DAB1: variants seen among roughly 807,000 people sequenced by gnomAD.
DAB1 encodes the protein DAB adaptor protein 1, also known as disabled homolog 1.
A neutral mutation model predicts 64.6 loss-of-function variants in DAB1; 15 were observed. The observed-to-expected ratio is 0.23, with a 90% CI of 0.16 to 0.36. The LOEUF (loss-of-function observed/expected upper bound fraction) is 0.36. DAB1 is among the 10% of genes least tolerant of loss of function. The pLI is 1.00. For synonymous variants in DAB1, 235 were observed against 251.9 expected, an observed-to-expected ratio of 0.93 and a Z score of 0.64; for missense variants, 596 against 706.7, an observed-to-expected ratio of 0.84 and a Z score of 1.78.
chr1:57,310,944 G>A (rs780513090), intron 1 of DAB1, among the ~76,000 whole-genome samples: 2 of 152,000 alleles, frequency 1.3e-5, no homozygotes, highest in Non-Finnish European at 2.9e-5. Flanking sequence ...TGCGCTGAGT[G>A]ATGATAGTGC....
intron 3 of DAB1, among the ~76,000 whole-genome samples, chr1:58,490,940 G>C (rs982511653): frequency 4.0e-5 from 6 of 150,708 alleles, no homozygotes; most frequent in African/African-American, 1.5e-4. Context: ...CGAGTAGCTG[G>C]GACTACAGGC....
intron 4 of DAB1, among the ~76,000 whole-genome samples, chr1:58,150,876 T>C (rs1654890753): frequency 6.6e-6 from 1 of 152,080 alleles, no homozygotes; most frequent in South Asian, 2.1e-4. Flanking sequence ...TGGTGTGTGA[T>C]GTTCCCCTTC....
intron 5 of DAB1, among the ~76,000 whole-genome samples, chr1:58,011,431 T>C (rs1262024218): frequency 1.3e-5 from 2 of 152,210 alleles, no homozygotes; most frequent in African/African-American, 4.8e-5. Flanking sequence ...GAGGTAGCCA[T>C]ATTATCCTTA....
intron 2 of DAB1, among the ~76,000 whole-genome samples, chr1:57,221,165 C>T (rs1041711021): frequency 1.3e-5 from 2 of 151,926 alleles, no homozygotes; most frequent in Non-Finnish European, 2.9e-5. Context: ...TCAAACACCA[C>T]CTGTTCTCAC....
intron 2 of DAB1, among the ~76,000 whole-genome samples, chr1:57,175,898 T>A (rs1662263546): frequency 6.6e-6 from 1 of 152,202 alleles, no homozygotes; most frequent in Non-Finnish European, 1.5e-5. Flanking sequence ...GACTGGATTT[T>A]CCCGTTTGAT....
intron 5 of DAB1, among the ~76,000 whole-genome samples, chr1:57,893,392 G>C (rs912474005): frequency 6.6e-6 from 1 of 152,156 alleles, no homozygotes; most frequent in East Asian, 1.9e-4. Flanking sequence ...AAATCAAATG[G>C]TGTATTTTTT....
At chr1:57,957,326 G>A (rs1645415700) in intron 5 of DAB1, among the ~76,000 whole-genome samples, 1 of 152,150 alleles carries the variant, frequency 6.6e-6, no homozygotes, top group Non-Finnish European at 1.5e-5. Context: ...GAAAAGGAGT[G>A]AAAAGAAGCC....
At chr1:57,163,015 C>A (rs941284372) in intron 2 of DAB1, among the ~76,000 whole-genome samples, 1 of 152,218 alleles carries the variant, frequency 6.6e-6, no homozygotes, top group African/African-American at 2.4e-5. Flanking sequence ...AGCCCTGACT[C>A]CCTGGATTTC....
chr1:57,133,269 T>A (rs1283959902), intron 4 of DAB1, among the ~76,000 whole-genome samples: 1 of 152,168 alleles, frequency 6.6e-6, no homozygotes, highest in African/African-American at 2.4e-5. Flanking sequence ...GCAGTATATA[T>A]CATTTTTTAT....
intron 6 of DAB1, among the ~76,000 whole-genome samples, chr1:57,699,934 A>C (rs1646888604): frequency 6.6e-6 from 1 of 152,080 alleles, no homozygotes; most frequent in South Asian, 2.1e-4. Flanking sequence ...ATTAATAAGG[A>C]AACATTCTAG....
At chr1:57,381,953 A>G (rs1298711866) in intron 1 of DAB1, among the ~76,000 whole-genome samples, 2 of 152,154 alleles carry the variant, frequency 1.3e-5, no homozygotes, top group East Asian at 1.9e-4. Context: ...GATGCTGAAG[A>G]CAGATGTGGC....
At chr1:58,332,444 A>G (rs1474164654) in intron 4 of DAB1, among the ~76,000 whole-genome samples, 1 of 152,212 alleles carries the variant, frequency 6.6e-6, no homozygotes. Flanking sequence ...ACTGCAATAA[A>G]GCAAGTCCCA....
intron 14 of DAB1, among the ~76,000 whole-genome samples, chr1:57,008,816 AC>A (rs2100274031): frequency 6.6e-6 from 1 of 152,302 alleles, no homozygotes; most frequent in South Asian, 2.1e-4. Flanking sequence ...AGATGAAGAA[AC>A]CAAGACTCAA....
chr1:58,173,551 G>A (rs1645063892), intron 4 of DAB1, among the ~76,000 whole-genome samples: 1 of 151,998 alleles, frequency 6.6e-6, no homozygotes, highest in South Asian at 2.1e-4. Context: ...GATACAAAAT[G>A]GTTTTTTCTC....
At position 57,546,571 on chromosome 1, in the gene DAB1, G is replaced by C. The variant is rs560162809; in HGVS notation, n.625+103021C>G. On this transcript the variant is annotated intron_variant and non_coding_transcript_variant, in intron 7 of 20. Transcript: ENST00000485760. ...TAGTATCCCCTTTACAGAACAGTTT[G>C]AGAATTAAGTGACTTGATACATGTG... 5.0e-4 allele frequency among the ~76,000 whole-genome samples: 76 copies of C among 152,270 alleles called. No homozygotes were observed. The South Asian group carries it at 7.1e-3, about 14-fold the overall frequency.
At chr1:57,033,075 G>A (rs935172468) in intron 9 of DAB1, among the ~76,000 whole-genome samples, 10 of 152,128 alleles carry the variant, frequency 6.6e-5, no homozygotes, top group African/African-American at 2.4e-4. Context: ...TCCATCTCTA[G>A]CATCTGTTAG....
chr1:57,317,060 C>T (rs1018038904), intron 1 of DAB1, among the ~76,000 whole-genome samples: 1 of 152,170 alleles, frequency 6.6e-6, no homozygotes, highest in African/African-American at 2.4e-5. Flanking sequence ...ATCTCTTGCC[C>T]TCTCATTAGC....
At chr1:58,542,774 C>T (rs1049140984) in intron 1 of DAB1, among the ~76,000 whole-genome samples, 6 of 152,150 alleles carry the variant, frequency 3.9e-5, no homozygotes, top group African/African-American at 1.4e-4. Flanking sequence ...CATCTTACAG[C>T]CTCATTTTAG....
chr1:57,735,821 G>GA (rs1306118103), intron 6 of DAB1, among the ~76,000 whole-genome samples: 2 of 151,916 alleles, frequency 1.3e-5, no homozygotes, highest in South Asian at 2.1e-4. Flanking sequence ...CCTCCCATCA[G>GA]AAAAAATGTG....
Sources: gnomAD v4.1 joint callset for allele counts (sites outside exome capture counted in the v4.1 genomes callset) on GRCh38, gnomAD v4.1.1 for gene constraint, MANE v1.5 for transcripts, NCBI Gene and HGNC (gene_info 2026-07-23, HGNC 2026-07-21) for gene names.